The following TENM1 variants were observed in gnomAD, a reference collection of about 807,000 sequenced individuals.
The protein encoded by TENM1 is teneurin transmembrane protein 1.
Under a neutral mutation model 174.8 loss-of-function variants are expected in TENM1, and 35 were observed. The ratio of observed to expected loss-of-function variants is 0.20; its 90% CI spans 0.15 to 0.27. The LOEUF (loss-of-function observed/expected upper bound fraction) is 0.27. Among genes scored for constraint, TENM1 ranks in the 10% least tolerant of loss-of-function variants. TENM1 has a pLI of 1.00. For synonymous variants in TENM1, 781 were observed against 798.7 expected (o/e 0.98, Z 0.37); for missense variants, 1,633 against 2,130.1 (o/e 0.77, Z 4.59).
the TENM1 span, among the ~76,000 whole-genome samples, chrX:125,118,538 T>C: frequency 9.0e-6 from 1 of 111,360 alleles, no homozygotes; most frequent in Non-Finnish European, 1.9e-5. Flanking sequence ...GTATCTAGAA[T>C]ATATAAAAGA....
At chrX:124,680,163 T>G (rs1368079585) in intron 5 of TENM1, among the ~76,000 whole-genome samples, 1 of 111,686 alleles carries the variant, frequency 9.0e-6, no homozygotes, top group Non-Finnish European at 1.9e-5. Flanking sequence ...AAGATTGAGA[T>G]AGTATAACAG....
intron 11 of TENM1, among the ~76,000 whole-genome samples, chrX:124,615,482 A>G (rs781482244): frequency 8.9e-6 from 1 of 112,239 alleles, no homozygotes; most frequent in African/African-American, 3.2e-5. Context: ...AGGTTGTTGT[A>G]CCAAATATAA....
chrX:125,035,929 A>G, the TENM1 span, among the ~76,000 whole-genome samples: 1 of 110,880 alleles, frequency 9.0e-6, no homozygotes, highest in Non-Finnish European at 1.9e-5. Context: ...CAACAAGCTG[A>G]TAAAAAATAT....
At chrX:124,624,609 G>A (rs761330598) in intron 11 of TENM1, among the ~76,000 whole-genome samples, 1 of 111,661 alleles carries the variant, frequency 9.0e-6, no homozygotes, top group African/African-American at 3.3e-5. Context: ...TGATACAGAA[G>A]CAGAACCAAT....
chrX:124,605,710 T>C (rs2050138995), intron 11 of TENM1, among the ~76,000 whole-genome samples: 1 of 111,586 alleles, frequency 9.0e-6, no homozygotes. Context: ...TTTACAGTAA[T>C]ACAATGCACT....
chrX:124,407,888 T>C (rs189415496), intron 25 of TENM1, among the ~76,000 whole-genome samples: 62 of 112,359 alleles, frequency 5.5e-4, no homozygotes, highest in African/African-American at 2.0e-3. Context: ...GTCGAAATGG[T>C]TGGCACAGTG....
intron 1 of TENM1, among the ~76,000 whole-genome samples, chrX:124,915,462 C>A: frequency 8.9e-6 from 1 of 111,907 alleles, no homozygotes; most frequent in Middle Eastern, 4.6e-3. Flanking sequence ...GAGGCAGAGG[C>A]TGTAGTGAGC....
At chrX:124,553,630 A>T (rs990734981) in intron 14 of TENM1, among the ~76,000 whole-genome samples, 148 of 109,795 alleles carry the variant, frequency 1.3e-3, no homozygotes, top group Admixed American at 2.4e-3. Flanking sequence ...CTTTAAAAAA[A>T]AAAAAAAAAA....
intron 3 of TENM1, among the ~76,000 whole-genome samples, chrX:124,784,049 T>G (rs184189274): frequency 8.9e-6 from 1 of 112,543 alleles, no homozygotes; most frequent in Non-Finnish European, 1.9e-5. Context: ...TCCAAAAAAT[T>G]TAATTGCCTT....
rs1192596362 is a variant in TENM1 at position 124,712,577 on chromosome X, G to A, written c.777-7326C>T. Among the ~76,000 whole-genome samples, 3 of 110,776 alleles carry A rather than the reference G, an allele frequency of 2.7e-5. No individual in the cohort carries two copies. The East Asian group carries it at 8.5e-4, about 32-fold the overall frequency. On this transcript the variant is annotated intron_variant, in intron 4 of 31. Transcript: ENST00000422452. ...GTTCACTGCAACCTCTGCCTCCCAC[G>A]TTCAGGTGATTCTCCTGCTTCAGAC...
intron 18 of TENM1, among the ~76,000 whole-genome samples, chrX:124,519,769 G>T (rs1250284473): frequency 9.0e-6 from 1 of 111,651 alleles, no homozygotes; most frequent in Non-Finnish European, 1.9e-5. Flanking sequence ...TCTTAAAACA[G>T]ACTATTTTTT....
chrX:124,795,526 T>C (rs1051180041), intron 3 of TENM1, among the ~76,000 whole-genome samples: 16 of 111,827 alleles, frequency 1.4e-4, no homozygotes, highest in Non-Finnish European at 5.7e-5. Context: ...ATTTTAGTGG[T>C]AAATATGATG....
At chrX:124,741,609 A>C in intron 3 of TENM1, among the ~76,000 whole-genome samples, 1 of 112,180 alleles carries the variant, frequency 8.9e-6, no homozygotes, top group East Asian at 2.8e-4. Context: ...CGCGAATGCC[A>C]TACCAAATAT....
chrX:125,190,041 AT>A, the TENM1 span, among the ~76,000 whole-genome samples: 1 of 111,306 alleles, frequency 9.0e-6, no homozygotes, highest in African/African-American at 3.3e-5. Context: ...TCCTAATGCA[AT>A]TTTTTTAATG....
At chrX:124,669,013 T>A (rs765230671) in intron 6 of TENM1, among the ~76,000 whole-genome samples, 1 of 111,888 alleles carries the variant, frequency 8.9e-6, no homozygotes, top group South Asian at 3.8e-4. Flanking sequence ...TGAAAGCAGG[T>A]TCTATAGCAC....
the TENM1 span, among the ~76,000 whole-genome samples, chrX:125,167,870 G>T: frequency 8.9e-6 from 1 of 111,797 alleles, no homozygotes; most frequent in Non-Finnish European, 1.9e-5. Context: ...CCAAACCCTG[G>T]CCATGATTAT....
At chrX:125,014,490 A>G in the TENM1 span, among the ~76,000 whole-genome samples, 1 of 112,494 alleles carries the variant, frequency 8.9e-6, no homozygotes, top group Non-Finnish European at 1.9e-5. Flanking sequence ...CCAAACTGAA[A>G]TTTTTAATCA....
chrX:124,728,430 C>T (rs2053491352), intron 4 of TENM1, among the ~76,000 whole-genome samples: 1 of 111,437 alleles, frequency 9.0e-6, no homozygotes, highest in African/African-American at 3.3e-5. Context: ...AAGAATAGTG[C>T]CTAATATCAC....
rs562348792 is a variant in TENM1 at position 124,568,952 on chromosome X, C to G, written c.2078-3392G>C. On this transcript the variant is annotated intron_variant, in intron 11 of 31. Transcript: ENST00000422452. ...GGCACATTGGCATACACCTGTAATCCCAGCACTTTGGAAGGGTGAGGTGGG... is the reference window on the plus strand; with the variant it reads ...GGCACATTGGCATACACCTGTAATCGCAGCACTTTGGAAGGGTGAGGTGGG... Among the ~76,000 whole-genome samples, 7 of 111,670 alleles carry G rather than the reference C, an allele frequency of 6.3e-5. 1 individual carries two copies. In the South Asian group the frequency reaches 2.6e-3, roughly 42 times the overall value.
Sources: allele counts gnomAD v4.1 joint callset (sites outside exome capture counted in the v4.1 genomes callset), GRCh38; gene constraint gnomAD v4.1.1; transcripts MANE v1.5; gene names NCBI Gene and HGNC (gene_info 2026-07-23, HGNC 2026-07-21).